IFFO1: variants seen among roughly 807,000 people sequenced by gnomAD.
IFFO1 encodes intermediate filament family orphan 1.
A neutral mutation model predicts 59.6 loss-of-function variants in IFFO1; 42 were observed. The ratio of observed to expected loss-of-function variants is 0.70; its 90% CI spans 0.55 to 0.91. The LOEUF is 0.91. Ranked by LOEUF, IFFO1 falls within the 40% of genes least tolerant of loss-of-function variation. The pLI is 0.00. For synonymous variants in IFFO1, 336 were observed against 342.8 expected, an observed-to-expected ratio of 0.98 and a Z score of 0.22; for missense variants, 711 against 793.2, an observed-to-expected ratio of 0.90 and a Z score of 1.24.
At chr12:6,554,359 C>A (rs1947351439) in intron 1 of IFFO1, among the ~76,000 whole-genome samples, 1 of 152,228 alleles carries the variant, frequency 6.6e-6, no homozygotes, top group African/African-American at 2.4e-5. Flanking sequence ...CTGCAAGACA[C>A]TACCTCTGCT....
rs7308717 is a variant in IFFO1, at chr12:6,550,051, C to T, written c.931-155G>A. 11,371 of 782,706 alleles carry T rather than the reference C, an allele frequency of 0.015. 923 individuals are homozygous for T. In the African/African-American group the frequency reaches 0.17, roughly 12 times the overall value. The allele number at this position is 782,706 out of a possible 1,614,324, so 48.5% of individuals were successfully genotyped here. A position where few individuals can be genotyped will look rare whatever the true frequency, so the allele number is the denominator to read the frequency against. ...TGACTGCACCCCTCTTCCTGGGTAGCGGTGGCCTCCCCACAGCACTGTGTG... is the reference window on the plus strand; with the variant it reads ...TGACTGCACCCCTCTTCCTGGGTAGTGGTGGCCTCCCCACAGCACTGTGTG... On this transcript the variant is annotated intron_variant, in intron 3 of 9. Coordinates refer to ENST00000619571, the MANE Select transcript of IFFO1 (RefSeq NM_001193457.2).
chr12:6,541,609 G>C lies in IFFO1; in HGVS notation c.1513C>G (p.Arg505Gly). The change falls in exon 9 of 10, where the codon CGG becomes GGG. Residue 505 changes from arginine to glycine, a missense_variant. Around this residue, in one of 3 missense-constraint regions of IFFO1, gnomAD observed 579 missense variants for 650.3 expected, o/e 0.89. Coordinates refer to ENST00000619571, the MANE Select transcript of IFFO1 (RefSeq NM_001193457.2). This position sits in a 1 kb window ranked among gnomAD's most constrained non-coding sequence, Gnocchi z 4.8. ...ATCTCCATGTACTCGTGCAGGTGCC[G>C]GTTCATGTCGTTCTTGGCCGTGGCC... Reference protein sequence around the residue: ...ELATAKNDMNRHLHEYMEMCS... With the variant: ...ELATAKNDMNGHLHEYMEMCS... 6.2e-7 allele frequency: 1 copy of C among 1,614,160 alleles called. No homozygotes were observed. The highest frequency in any genetic ancestry group is 1.6e-4 in the Middle Eastern group (1 of 6,062).
rs919318448 is a variant in IFFO1 at position 6,548,166 on chromosome 12, G to A, written c.1384-6C>T. 8 of 1,613,000 alleles carry A rather than the reference G, an allele frequency of 5.0e-6. No individual in the cohort carries two copies. The highest frequency in any genetic ancestry group is 3.3e-5 in the Admixed American group (2 of 60,026). On this transcript the variant is annotated splice_region_variant and splice_polypyrimidine_tract_variant and intron_variant, in intron 7 of 9. Transcript: ENST00000619571. This position sits in a 1 kb window ranked among gnomAD's most constrained non-coding sequence, Gnocchi z 6.1. ...TCCAGGCTATCTTCCTGCTGCTGGA[G>A]TAGAAAGGGAAGCGGGGGAGGCCAG...
At position 6,549,218 on chromosome 12, in the gene IFFO1, G is replaced by A; in HGVS notation, c.1080+258C>T. The A allele has an allele frequency of 1.8e-6, 1 of 561,078 alleles. No homozygotes were observed. Among genetic ancestry groups the A allele is most frequent in the Non-Finnish European group, 3.1e-6 (1 of 318,886 alleles). The allele number at this position is 561,078 out of a possible 1,614,324, so 34.8% of individuals were successfully genotyped here. A position where few individuals can be genotyped will look rare whatever the true frequency, so the allele number is the denominator to read the frequency against. On this transcript the variant is annotated intron_variant, in intron 5 of 9. Coordinates refer to ENST00000619571, the MANE Select transcript of IFFO1 (RefSeq NM_001193457.2). This position sits in a 1 kb window ranked among gnomAD's most constrained non-coding sequence, Gnocchi z 5.0. ...AAAAAAAAAAGCTTTAGGACGCAAG[G>A]AGGATGAGTGTGCAATGTGTACAAA...
Position 6,540,247 on chromosome 12 carries a change from G to A in IFFO1, c.*236C>T. Reference sequence around the variant, plus strand: ...CAGACACCCACGCGTGAAGGCAGGAGAGCCCCAACTGTGGTGGAAATGGCC... The same window carrying A: ...CAGACACCCACGCGTGAAGGCAGGAAAGCCCCAACTGTGGTGGAAATGGCC... On this transcript the variant is annotated 3_prime_UTR_variant, in exon 10 of 10. Coordinates refer to ENST00000619571, the MANE Select transcript of IFFO1 (RefSeq NM_001193457.2). 1.7e-6 allele frequency: 1 copy of A among 573,800 alleles called. No homozygotes were observed. Among genetic ancestry groups the A allele is most frequent in the Non-Finnish European group, 3.1e-6 (1 of 322,828 alleles). 35.5% of individuals were successfully genotyped at this position (573,800 alleles called of 1,614,324 possible).
intron 8 of IFFO1, chr12:6,544,811 A>T (rs894020672): frequency 6.6e-6 from 1 of 152,186 alleles, no homozygotes. Context: ...GGCCAAGAAA[A>T]CCAGGTTTGA....
rs375498372 is a variant in IFFO1, at chr12:6,555,393, G to A, written c.637C>T (p.Leu213=). The change falls in exon 1 of 10, where the codon CTG becomes TTG. Residue 213 remains leucine (L), a synonymous_variant. Transcript: ENST00000619571. This position sits in a 1 kb window ranked among gnomAD's most constrained non-coding sequence, Gnocchi z 8.6. ...RRLGPGLEPT[L]VQGPGLSWVH... Reference sequence around the variant, plus strand: ...CACGACAAGCCAGGCCCTTGCACCAGAGTGGGCTCCAGTCCCGGCCCGAGC... The same window carrying A: ...CACGACAAGCCAGGCCCTTGCACCAAAGTGGGCTCCAGTCCCGGCCCGAGC... 1 of 1,614,044 alleles carries A rather than the reference G, an allele frequency of 6.2e-7. No homozygotes were observed. The highest frequency in any genetic ancestry group is 8.5e-7 in the Non-Finnish European group (1 of 1,179,988).
Position 6,541,759 on chromosome 12 carries a change from C to T in IFFO1, c.1480-117G>A. ...GTGGCTGGGCCGGGGGCCCAGGCAG[C>T]CATTACTGAAGGCTCAGATTTTAAA... On this transcript the variant is annotated intron_variant, in intron 8 of 9. Transcript: ENST00000619571. The surrounding 1 kb of genome is among the most constrained non-coding windows in gnomAD (Gnocchi z 4.8). The T allele has an allele frequency of 1.6e-6, 2 of 1,265,218 alleles. No individual in the cohort carries two copies. Among genetic ancestry groups the T allele is most frequent in the East Asian group, 4.7e-5 (2 of 42,928 alleles). 78.4% of individuals were successfully genotyped at this position (1,265,218 alleles called of 1,614,324 possible). A position where few individuals can be genotyped will look rare whatever the true frequency, so the allele number is the denominator to read the frequency against.
chr12:6,540,497 TGTCAGATGAGACATCGCGATCGGA>T lies in IFFO1; in HGVS notation c.1678_1701del (p.Ser560_Asp567del). On this transcript the variant is annotated inframe_deletion, in exon 10 of 10. Coordinates refer to ENST00000619571, the MANE Select transcript of IFFO1 (RefSeq NM_001193457.2). ...GAGGCAGGTCTCTATCTCATGGAGC[TGTCAGATGAGACATCGCGATCGGA>T]GTCCTCAGCCTCGCTTGGCGGCGGC... 1 of 1,613,862 alleles carries T rather than the reference TGTCAGATGAGACATCGCGATCGGA, an allele frequency of 6.2e-7. No individual in the cohort carries two copies. Among genetic ancestry groups the T allele is most frequent in the Admixed American group, 1.7e-5 (1 of 60,032 alleles).
intron 8 of IFFO1, among the ~76,000 whole-genome samples, chr12:6,542,306 C>A (rs1053312696): frequency 3.5e-4 from 53 of 152,166 alleles, no homozygotes; most frequent in African/African-American, 1.3e-3. Flanking sequence ...GTGGAAAACA[C>A]GGGGCTCAGA....
In IFFO1 at chr12:6,540,682, C is replaced by A. The variant is rs567534515; in HGVS notation, c.1611-94G>T. ...CCTGCTGCCTCACCCTCTGGCAGCCCGTGAGAAGTACCGGAAGCGAGGGCG... is the reference window on the plus strand; with the variant it reads ...CCTGCTGCCTCACCCTCTGGCAGCCAGTGAGAAGTACCGGAAGCGAGGGCG... On this transcript the variant is annotated intron_variant, in intron 9 of 9. Coordinates refer to ENST00000619571, the MANE Select transcript of IFFO1 (RefSeq NM_001193457.2). 1.5e-5 allele frequency: 16 copies of A among 1,101,040 alleles called. No homozygotes were observed. In the African/African-American group the frequency reaches 2.0e-4, roughly 14 times the overall value. The allele number at this position is 1,101,040 out of a possible 1,614,324, so 68.2% of individuals were successfully genotyped here.
At chr12:6,540,610 C>G in intron 9 of IFFO1, 22 bp from the exon 10 acceptor site, 1 of 1,597,672 alleles carries the variant, frequency 6.3e-7, no homozygotes, top group Non-Finnish European at 8.6e-7. Flanking sequence ...CACCAGTTGT[C>G]AACCTTGGGG....
rs541081615 is a variant in IFFO1, at chr12:6,548,214, G to A, written c.1384-54C>T. The A allele has an allele frequency of 1.4e-6, 2 of 1,458,150 alleles. No individual in the cohort carries two copies. Among genetic ancestry groups the A allele is most frequent in the East Asian group, 2.3e-5 (1 of 44,076 alleles). 90.3% of individuals were successfully genotyped at this position (1,458,150 alleles called of 1,614,324 possible). A position where few individuals can be genotyped will look rare whatever the true frequency, so the allele number is the denominator to read the frequency against. ...CAGCCAAGGAGGGATGGGATGGGAC[G>A]CATTCCAAAGGGCCAAGTCAGGGAG... is the stretch of plus-strand genomic sequence containing the variant. On this transcript the variant is annotated intron_variant, in intron 7 of 9. Coordinates refer to ENST00000619571, the MANE Select transcript of IFFO1 (RefSeq NM_001193457.2). This position sits in a 1 kb window ranked among gnomAD's most constrained non-coding sequence, Gnocchi z 6.1.
intron 8 of IFFO1, among the ~76,000 whole-genome samples, chr12:6,542,489 GGAGATGA>G (rs529134354): frequency 6.6e-6 from 1 of 152,226 alleles, no homozygotes; most frequent in Non-Finnish European, 1.5e-5. Flanking sequence ...GAAACTTCCT[GGAGATGA>G]CGTTCGTGAC....
chr12:6,546,731 T>C (rs1946985852), intron 8 of IFFO1, among the ~76,000 whole-genome samples: 1 of 152,058 alleles, frequency 6.6e-6, no homozygotes, highest in South Asian at 2.1e-4. Context: ...CCTCGTGATC[T>C]TCCCGCCTCG....
At position 6,548,745 on chromosome 12, in the gene IFFO1, G is replaced by A; in HGVS notation, c.1185C>T (p.Pro395=). 1 of 1,614,086 alleles carries A rather than the reference G, an allele frequency of 6.2e-7. No individual in the cohort carries two copies. The highest frequency in any genetic ancestry group is 8.5e-7 in the Non-Finnish European group (1 of 1,180,018). Residue 395 remains proline (P), a synonymous_variant, in exon 6 of 10, where the codon CCC becomes CCT. Transcript: ENST00000619571. The surrounding 1 kb of genome is among the most constrained non-coding windows in gnomAD (Gnocchi z 6.1). ...EDTSLSESEG[P]RQPDGDEEES... is the part of the protein sequence containing the mutation. Reference sequence around the variant, plus strand: ...CCTCCTCATCCCCATCGGGCTGGCGGGGCCCCTCACTCTCCGACAGGGAGG... The same window carrying A: ...CCTCCTCATCCCCATCGGGCTGGCGAGGCCCCTCACTCTCCGACAGGGAGG...
At chr12:6,551,671 A>G in intron 1 of IFFO1, 1 of 400,426 alleles carries the variant, frequency 2.5e-6, no homozygotes, top group Non-Finnish European at 5.0e-6. Context: ...GCAGCATGAC[A>G]GCAGTGGACA....
chr12:6,548,669 G>A lies in IFFO1; in HGVS notation c.1261C>T (p.Leu421=). The A allele has an allele frequency of 6.2e-7, 1 of 1,614,124 alleles. No homozygotes were observed. Among genetic ancestry groups the A allele is most frequent in the Non-Finnish European group, 8.5e-7 (1 of 1,180,020 alleles). ...NEEMQRMLNQ[L]REYDFEDDCD... is the part of the protein sequence containing the mutation. ...CGGGAGCACGGCCTGCGGACTCACAGCTGGTTGAGCATGCGCTGCATCTCC... is the reference window on the plus strand; with the variant it reads ...CGGGAGCACGGCCTGCGGACTCACAACTGGTTGAGCATGCGCTGCATCTCC... Residue 421 remains leucine, a splice_region_variant and synonymous_variant, in exon 6 of 10, where the codon CTG becomes TTG. Coordinates refer to ENST00000619571, the MANE Select transcript of IFFO1 (RefSeq NM_001193457.2). This position sits in a 1 kb window ranked among gnomAD's most constrained non-coding sequence, Gnocchi z 6.1.
At position 6,555,157 on chromosome 12, in the gene IFFO1, T is replaced by C; in HGVS notation, c.773+100A>G. On this transcript the variant is annotated intron_variant, in intron 1 of 9. Transcript: ENST00000619571. The surrounding 1 kb of genome is among the most constrained non-coding windows in gnomAD (Gnocchi z 8.6). The stretch of plus-strand genomic sequence containing the variant: ...TCATTACACAGCACAAACTTTACTC[T>C]CATTCTTTTCACCCCTGATTCTTCG... The C allele has an allele frequency of 1.7e-6, 2 of 1,206,222 alleles. No individual in the cohort carries two copies. The highest frequency in any genetic ancestry group is 2.5e-6 in the Non-Finnish European group (2 of 812,338). 74.7% of individuals were successfully genotyped at this position (1,206,222 alleles called of 1,614,324 possible). A position where few individuals can be genotyped will look rare whatever the true frequency, so the allele number is the denominator to read the frequency against.
Sources: allele counts gnomAD v4.1 joint callset (sites outside exome capture counted in the v4.1 genomes callset), GRCh38; gene constraint gnomAD v4.1.1; regional missense constraint gnomAD v4.1.1; non-coding constraint Gnocchi (gnomAD v3.1); transcripts MANE v1.5; gene names NCBI Gene and HGNC (gene_info 2026-07-23, HGNC 2026-07-21).